Variants in ZCWPW2 observed in about 807,000 individuals in gnomAD.
The protein encoded by ZCWPW2 is zinc finger CW-type and PWWP domain containing 2, also known as zinc finger CW-type PWWP domain protein 2.
In ZCWPW2, 45 loss-of-function variants were observed where a neutral mutation model predicts 46.6. That is an observed-to-expected ratio of 0.96 (90% CI 0.76 to 1.24). The LOEUF is 1.24. ZCWPW2 is among the 50% of genes most tolerant of loss of function. The pLI is 0.00. For missense variants in ZCWPW2, 429 were observed against 403.9 expected (o/e 1.06, Z -0.53); for synonymous variants, 152 against 137.1 (o/e 1.11, Z -0.76).
chr3:28,515,241 A>T (rs1232279100), intron 7 of ZCWPW2, among the ~76,000 whole-genome samples: 1 of 152,142 alleles, frequency 6.6e-6, no homozygotes, highest in African/African-American at 2.4e-5. Context: ...TTTCTCTGAT[A>T]CCTCAAATTC....
chr3:28,426,912 G>A (rs752785035), intron 3 of ZCWPW2, among the ~76,000 whole-genome samples: 15 of 152,158 alleles, frequency 9.9e-5, no homozygotes, highest in South Asian at 6.2e-4. Flanking sequence ...GGCAATAATT[G>A]TCTTATTAAA....
intron 5 of ZCWPW2, among the ~76,000 whole-genome samples, chr3:28,481,539 T>C (rs910260067): frequency 6.6e-6 from 1 of 152,196 alleles, no homozygotes; most frequent in Admixed American, 6.5e-5. Flanking sequence ...TAGTTTTTAT[T>C]AAACTTAAAT....
chr3:28,371,629 A>G (rs565025406), intron 1 of ZCWPW2, among the ~76,000 whole-genome samples: 16 of 152,278 alleles, frequency 1.1e-4, no homozygotes, highest in African/African-American at 3.4e-4. Context: ...ACTGCAGTCT[A>G]GCCTGGGCAA....
At chr3:28,399,121 C>T (rs1241662670) in intron 2 of ZCWPW2, among the ~76,000 whole-genome samples, 7 of 152,120 alleles carry the variant, frequency 4.6e-5, no homozygotes, top group Non-Finnish European at 8.8e-5. Context: ...GACACTGGCC[C>T]TTCAGATTGT....
rs544078080 is a variant in ZCWPW2 at position 28,488,687 on chromosome 3, C to A, written c.611-3440C>A. Among the ~76,000 whole-genome samples the A allele has an allele frequency of 1.4e-4, 21 of 152,282 alleles. 1 individual carries two copies. In the East Asian group the frequency reaches 4.1e-3, roughly 29 times the overall value. On this transcript the variant is annotated intron_variant, in intron 5 of 9. Transcript: ENST00000383768. ...TTAGAACATTTTCATTTACTACCTG[C>A]AGCTCCTCTTTTGCACTTTAAAAAT...
At chr3:28,441,245 C>A (rs1352527374) in intron 4 of ZCWPW2, among the ~76,000 whole-genome samples, 1 of 152,166 alleles carries the variant, frequency 6.6e-6, no homozygotes, top group African/African-American at 2.4e-5. Context: ...CCGTTTTTGA[C>A]CACTCAGAGA....
At chr3:28,355,038 A>T (rs1021861025) in intron 1 of ZCWPW2, among the ~76,000 whole-genome samples, 4 of 151,226 alleles carry the variant, frequency 2.6e-5, no homozygotes, top group Non-Finnish European at 4.4e-5. Context: ...AAGGGTATTC[A>T]ATTAGGAAAA....
chr3:28,446,125 A>G (rs1336278873), intron 4 of ZCWPW2, among the ~76,000 whole-genome samples: 1 of 152,106 alleles, frequency 6.6e-6, no homozygotes, highest in Non-Finnish European at 1.5e-5. Flanking sequence ...CACCAGGCAG[A>G]AGATAAGTAA....
intron 2 of ZCWPW2, among the ~76,000 whole-genome samples, chr3:28,391,546 G>A (rs553618918): frequency 2.0e-5 from 3 of 152,180 alleles, no homozygotes; most frequent in Non-Finnish European, 4.4e-5. Flanking sequence ...GAAATGCCTG[G>A]AGATGGCTAG....
At chr3:28,454,715 T>G (rs187643466) in intron 4 of ZCWPW2, among the ~76,000 whole-genome samples, 7 of 152,300 alleles carry the variant, frequency 4.6e-5, no homozygotes, top group Admixed American at 2.0e-4. Flanking sequence ...AGCTCCCACT[T>G]AAAAGTAAGA....
intron 3 of ZCWPW2, among the ~76,000 whole-genome samples, chr3:28,417,758 C>G (rs1355660327): frequency 2.2e-5 from 2 of 89,058 alleles, no homozygotes; most frequent in Non-Finnish European, 4.4e-5. Flanking sequence ...GAACCAAAGA[C>G]AGAAACCACA....
At chr3:28,483,928 G>T (rs1044716193) in intron 5 of ZCWPW2, among the ~76,000 whole-genome samples, 2 of 152,022 alleles carry the variant, frequency 1.3e-5, no homozygotes, top group African/African-American at 4.8e-5. Context: ...CATGTGCAGC[G>T]AGAGTTTTAT....
chr3:28,436,571 G>C (rs1697509830), intron 4 of ZCWPW2, among the ~76,000 whole-genome samples: 1 of 151,172 alleles, frequency 6.6e-6, no homozygotes, highest in East Asian at 1.9e-4. Context: ...CTTTTTAATG[G>C]GTTTTTACTA....
chr3:28,470,070 T>C (rs960555493), intron 4 of ZCWPW2, among the ~76,000 whole-genome samples: 1 of 152,144 alleles, frequency 6.6e-6, no homozygotes, highest in Non-Finnish European at 1.5e-5. Flanking sequence ...TGAACGTATG[T>C]CAGGTATCTT....
intron 1 of ZCWPW2, chr3:28,351,553 C>T (rs1218604946): frequency 1.3e-5 from 2 of 151,368 alleles, no homozygotes; most frequent in Non-Finnish European, 2.9e-5. Flanking sequence ...TAATGAAAAA[C>T]CTTTTTTTTT....
intron 5 of ZCWPW2, among the ~76,000 whole-genome samples, chr3:28,486,722 A>G (rs1699611794): frequency 6.6e-6 from 1 of 152,060 alleles, no homozygotes; most frequent in Admixed American, 6.6e-5. Context: ...AAAAAATTCA[A>G]AAATTAGCCA....
intron 4 of ZCWPW2, among the ~76,000 whole-genome samples, chr3:28,477,564 A>G (rs1311417788): frequency 6.6e-6 from 1 of 152,214 alleles, no homozygotes; most frequent in Non-Finnish European, 1.5e-5. Flanking sequence ...TAGTAAATCA[A>G]TAAATGAAAG....
chr3:28,431,378 T>C (rs1281778212), intron 3 of ZCWPW2, among the ~76,000 whole-genome samples: 3 of 152,092 alleles, frequency 2.0e-5, no homozygotes, highest in East Asian at 1.9e-4. Flanking sequence ...AATCCTGAGA[T>C]TAAAGTGTCT....
rs558109617 is a variant in ZCWPW2, at chr3:28,361,624, A to G, written c.-134+12421A>G. 6.6e-5 allele frequency among the ~76,000 whole-genome samples: 10 copies of G among 152,234 alleles called. No individual in the cohort carries two copies. The South Asian group carries it at 2.1e-3, about 32-fold the overall frequency. On this transcript the variant is annotated intron_variant, in intron 1 of 9. Transcript: ENST00000383768. ...ATAGAATGGAAGAAAATATTTGCAA[A>G]CCATGCATCTGATAGGGGATTAATA...
Sources: gnomAD v4.1 joint callset for allele counts (sites outside exome capture counted in the v4.1 genomes callset) on GRCh38, gnomAD v4.1.1 for gene constraint, MANE v1.5 for transcripts, NCBI Gene and HGNC (gene_info 2026-07-23, HGNC 2026-07-21) for gene names.